The following RARB variants were observed in gnomAD, a reference collection of about 807,000 sequenced individuals.
RARB encodes the protein HBV-activated protein.
A neutral mutation model predicts 51.9 loss-of-function variants in RARB; 17 were observed. That is an observed-to-expected ratio of 0.33 (90% CI 0.22 to 0.49). The LOEUF is 0.49. Ranked by LOEUF, RARB falls within the 20% of genes least tolerant of loss-of-function variation. The pLI, the probability that RARB is intolerant of heterozygous loss-of-function variation, is 0.99. For missense variants in RARB, 369 were observed against 550.8 expected, an observed-to-expected ratio of 0.67 and a Z score of 3.30; for synonymous variants, 215 against 195.4, an observed-to-expected ratio of 1.10 and a Z score of -0.84.
chr3:25,440,790 TAAAA>T (rs903295960), intron 1 of RARB, among the ~76,000 whole-genome samples: 1 of 151,146 alleles, frequency 6.6e-6, no homozygotes, highest in Non-Finnish European at 1.5e-5. Flanking sequence ...AATAAAAAAT[TAAAA>T]AAAAATCCAA....
chr3:24,937,087 T>G (rs930385358), intron 2 of RARB, among the ~76,000 whole-genome samples: 3 of 152,228 alleles, frequency 2.0e-5, no homozygotes, highest in Admixed American at 6.5e-5. Flanking sequence ...TTGTGTAATT[T>G]AAGAATATCA....
chr3:25,459,440 C>G (rs1387332263), intron 1 of RARB, among the ~76,000 whole-genome samples: 2 of 152,170 alleles, frequency 1.3e-5, no homozygotes, highest in Non-Finnish European at 2.9e-5. Flanking sequence ...GTAGAACATA[C>G]TAAGGAGTTT....
At chr3:25,274,102 A>T (rs891547921) in intron 5 of RARB, among the ~76,000 whole-genome samples, 6 of 152,168 alleles carry the variant, frequency 3.9e-5, no homozygotes, top group African/African-American at 1.4e-4. Context: ...TATAATTTAA[A>T]ACCTTTTGAT....
chr3:25,150,026 A>G (rs1364782704), intron 4 of RARB, among the ~76,000 whole-genome samples: 1 of 152,020 alleles, frequency 6.6e-6, no homozygotes, highest in Non-Finnish European at 1.5e-5. Context: ...ATATGGTGAA[A>G]CCCTGTCTCT....
At chr3:25,438,719 C>T (rs1451096544) in intron 1 of RARB, among the ~76,000 whole-genome samples, 2 of 152,166 alleles carry the variant, frequency 1.3e-5, no homozygotes, top group Non-Finnish European at 2.9e-5. Flanking sequence ...CAGGAGTTGT[C>T]ATCCTGTCAG....
At chr3:25,566,598 A>C (rs142834524) in intron 3 of RARB, among the ~76,000 whole-genome samples, 2 of 152,180 alleles carry the variant, frequency 1.3e-5, no homozygotes, top group Non-Finnish European at 2.9e-5. Flanking sequence ...CCCTTCCCAC[A>C]GGACCTCACC....
chr3:25,217,329 G>T (rs1477893106), intron 5 of RARB, among the ~76,000 whole-genome samples: 1 of 152,066 alleles, frequency 6.6e-6, no homozygotes, highest in South Asian at 2.1e-4. Flanking sequence ...ATCATTAGGA[G>T]CTTGGGATTA....
At chr3:25,476,362 C>T (rs1019297750) in intron 2 of RARB, among the ~76,000 whole-genome samples, 1 of 152,122 alleles carries the variant, frequency 6.6e-6, no homozygotes, top group African/African-American at 2.4e-5. Flanking sequence ...AGGGTCCCCT[C>T]CCCAGCAATA....
intron 5 of RARB, among the ~76,000 whole-genome samples, chr3:25,286,224 G>C (rs1055467508): frequency 2.6e-5 from 4 of 150,984 alleles, no homozygotes; most frequent in Non-Finnish European, 5.9e-5. Context: ...AAGTAGCTGG[G>C]ACTACAGGCG....
intron 5 of RARB, among the ~76,000 whole-genome samples, chr3:25,177,251 C>G (rs545343272): frequency 7.2e-5 from 11 of 152,234 alleles, no homozygotes; most frequent in Middle Eastern, 3.4e-3. Context: ...TTCAAAAGTT[C>G]CTAGAAAAGG....
chr3:25,126,490 G>T (rs1054303349), intron 3 of RARB, among the ~76,000 whole-genome samples: 4 of 150,478 alleles, frequency 2.7e-5, no homozygotes, highest in African/African-American at 9.8e-5. Flanking sequence ...TGGTGCTTTT[G>T]TACCTTTCTT....
chr3:25,223,541 C>T (rs1053613117), intron 5 of RARB, among the ~76,000 whole-genome samples: 1 of 152,104 alleles, frequency 6.6e-6, no homozygotes, highest in Non-Finnish European at 1.5e-5. Flanking sequence ...TGGCTGGAAC[C>T]ATGCTCTCTA....
chr3:24,916,847 C>T (rs1396818548), intron 2 of RARB, among the ~76,000 whole-genome samples: 1 of 149,834 alleles, frequency 6.7e-6, no homozygotes, highest in African/African-American at 2.5e-5. Context: ...AGGTGTCCAT[C>T]AAAAGGATAA....
intron 3 of RARB, among the ~76,000 whole-genome samples, chr3:25,537,322 T>G (rs1699181621): frequency 6.6e-6 from 1 of 152,244 alleles, no homozygotes; most frequent in Admixed American, 6.5e-5. Flanking sequence ...TCTTGTAAAT[T>G]ACTTCAACTG....
chr3:25,223,074 T>C (rs1459299867), intron 5 of RARB, among the ~76,000 whole-genome samples: 1 of 152,200 alleles, frequency 6.6e-6, no homozygotes, highest in African/African-American at 2.4e-5. Flanking sequence ...TGAATAAATT[T>C]TGATAAATCT....
intron 3 of RARB, among the ~76,000 whole-genome samples, chr3:25,062,313 G>A (rs529847723): frequency 1.3e-5 from 2 of 151,896 alleles, no homozygotes; most frequent in East Asian, 3.9e-4. Context: ...ACAAAATGTA[G>A]CCTCAATAAT....
Position 24,990,180 on chromosome 3 carries a change from TTTA to T in RARB, c.-379-69934_-379-69932del, listed in dbSNP as rs1696881379. Among the ~76,000 whole-genome samples, 2 of 105,758 alleles carry T rather than the reference TTTA, an allele frequency of 1.9e-5. 1 individual carries two copies. The highest frequency in any genetic ancestry group is 3.8e-5 in the Non-Finnish European group (2 of 52,750). The allele number at this position is 105,758 out of a possible 152,430, so 69.4% of individuals were successfully genotyped here. On this transcript the variant is annotated intron_variant, in intron 2 of 11. Transcript: ENST00000383772. Reference sequence around the variant, plus strand: ...TATTTTCTTTTTTTCTTCTTCTTTTTTTATTATTATTATACTTTAAGTTTTAGG... The same window carrying T: ...TATTTTCTTTTTTTCTTCTTCTTTTTTTATTATTATACTTTAAGTTTTAGG...
chr3:25,380,244 C>T (rs1186484700), intron 5 of RARB, among the ~76,000 whole-genome samples: 3 of 152,142 alleles, frequency 2.0e-5, no homozygotes, highest in Non-Finnish European at 4.4e-5. Context: ...AGGATCCTCG[C>T]ATGCAGGACG....
At chr3:25,594,732 C>T in intron 7 of RARB, 54 bp downstream of exon 7, 7 of 1,432,390 alleles carry the variant, frequency 4.9e-6, no homozygotes, top group Non-Finnish European at 6.5e-6. Flanking sequence ...GAGGGCCTTA[C>T]CAGGTTGTGT....
Sources: gnomAD v4.1 joint callset for allele counts (sites outside exome capture counted in the v4.1 genomes callset) on GRCh38, gnomAD v4.1.1 for gene constraint, MANE v1.5 for transcripts, NCBI Gene and HGNC (gene_info 2026-07-23, HGNC 2026-07-21) for gene names.